SATL1: variants seen among roughly 807,000 people sequenced by gnomAD.
The protein encoded by SATL1 is spermidine/spermine N(1)-acetyltransferase-like protein 1.
In SATL1, 47 loss-of-function variants were observed where a neutral mutation model predicts 51.8. That is an observed-to-expected ratio of 0.91 (90% confidence interval 0.72 to 1.16). SATL1 has a LOEUF of 1.16. Ranked by LOEUF, SATL1 falls within the 50% of genes most tolerant of loss-of-function variation. SATL1 has a pLI of 0.00. For missense variants in SATL1, 520 were observed against 526.4 expected (o/e 0.99, Z 0.12); for synonymous variants, 176 against 182.4 (o/e 0.97, Z 0.28).
chrX:85,122,812 C>T (rs1381036840), intron 2 of SATL1, among the ~76,000 whole-genome samples: 1 of 111,375 alleles, frequency 9.0e-6, no homozygotes, highest in African/African-American at 3.3e-5. Flanking sequence ...CCACTCCCCA[C>T]ACTTTGCCCT....
chrX:85,126,537 A>T (rs993273007), intron 2 of SATL1, among the ~76,000 whole-genome samples: 20 of 111,478 alleles, frequency 1.8e-4, no homozygotes, highest in African/African-American at 6.2e-4. Flanking sequence ...TTTTACCACT[A>T]CTGCCGCTTT....
chrX:85,184,189 A>G (rs1286063801), intron 2 of SATL1, among the ~76,000 whole-genome samples: 1 of 111,450 alleles, frequency 9.0e-6, no homozygotes, highest in Admixed American at 9.6e-5. Context: ...TCATCTGCTG[A>G]TGGACACTTA....
intron 2 of SATL1, among the ~76,000 whole-genome samples, chrX:85,159,041 C>A (rs765498378): frequency 9.0e-6 from 1 of 110,955 alleles, no homozygotes; most frequent in South Asian, 3.8e-4. Flanking sequence ...GTTGTTCATA[C>A]CATCATCAAA....
At chrX:85,141,085 G>A (rs897290582) in intron 2 of SATL1, among the ~76,000 whole-genome samples, 7 of 111,400 alleles carry the variant, frequency 6.3e-5, no homozygotes, top group South Asian at 3.8e-4. Context: ...GCCATTCCAA[G>A]CATCACATCA....
intron 4 of SATL1, among the ~76,000 whole-genome samples, chrX:85,095,565 G>T (rs890998850): frequency 1.1e-5 from 1 of 94,459 alleles, no homozygotes; most frequent in Non-Finnish European, 2.1e-5. Flanking sequence ...GGTGGCTCAC[G>T]CCTGTAATCC....
intron 2 of SATL1, among the ~76,000 whole-genome samples, chrX:85,171,025 C>T (rs1208383814): frequency 1.8e-5 from 2 of 111,342 alleles, no homozygotes; most frequent in Non-Finnish European, 3.8e-5. Flanking sequence ...GATCTGATCA[C>T]TAAAAAGGTT....
At chrX:85,174,277 C>T (rs915021151) in intron 2 of SATL1, among the ~76,000 whole-genome samples, 2 of 110,098 alleles carry the variant, frequency 1.8e-5, no homozygotes, top group Non-Finnish European at 3.8e-5. Flanking sequence ...AGACCAAATA[C>T]CTAAGCATAT....
intron 2 of SATL1, among the ~76,000 whole-genome samples, chrX:85,172,686 T>G (rs1297867231): frequency 2.7e-5 from 3 of 111,455 alleles, no homozygotes; most frequent in Non-Finnish European, 3.8e-5. Flanking sequence ...AAAAAATAAT[T>G]AAAATACAAC....
rs138590568 is a variant in SATL1, at chrX:85,232,902, G to A, written c.-434-8576C>T. Among the ~76,000 whole-genome samples the A allele has an allele frequency of 3.0e-4, 33 of 111,728 alleles. No individual in the cohort carries two copies. In the East Asian group the frequency reaches 8.6e-3, roughly 29 times the overall value. On this transcript the variant is annotated intron_variant, in intron 1 of 7. Transcript: ENST00000644105. The stretch of plus-strand genomic sequence containing the variant: ...GAAGGGAAAAACACAAACCTGGCTG[G>A]CTTCACAACATCCAGATTGTAGAGC...
rs747703674 is a variant in SATL1 at position 85,107,438 on chromosome X, TGCCTGGTTGACTCAG to T, written c.1516_1530del (p.Leu506_Gly510del). ...ATTTGGCTCACACTTGGTTGGCTCCTGCCTGGTTGACTCAGGCCTGGTTGGCTCAGCACTAATTGG... is the reference window on the plus strand; with the variant it reads ...ATTTGGCTCACACTTGGTTGGCTCCTGCCTGGTTGGCTCAGCACTAATTGG... On this transcript the variant is annotated inframe_deletion, in exon 3 of 8. Coordinates refer to ENST00000644105, the MANE Select transcript of SATL1 (RefSeq NM_001367857.2). The T allele has an allele frequency of 1.6e-6, 2 of 1,212,283 alleles. No individual in the cohort carries two copies. The highest frequency in any genetic ancestry group is 2.2e-6 in the Non-Finnish European group (2 of 895,370).
intron 2 of SATL1, among the ~76,000 whole-genome samples, chrX:85,132,356 CT>C (rs1263843977): frequency 2.7e-5 from 3 of 109,679 alleles, no homozygotes; most frequent in Admixed American, 9.7e-5. Flanking sequence ...TCTTTTTACT[CT>C]TTTTTTTTCT....
chrX:85,139,113 A>T (rs1045643573), intron 2 of SATL1, among the ~76,000 whole-genome samples: 3 of 111,042 alleles, frequency 2.7e-5, no homozygotes, highest in African/African-American at 6.6e-5. Context: ...TCATAAGGAG[A>T]CTTTCACTTC....
intron 2 of SATL1, among the ~76,000 whole-genome samples, chrX:85,130,183 C>T (rs1376920204): frequency 8.9e-6 from 1 of 111,974 alleles, no homozygotes; most frequent in Non-Finnish European, 1.9e-5. Context: ...GGAGGATTCC[C>T]TCTTTTTCTA....
At chrX:85,143,360 C>G (rs1472634463) in intron 2 of SATL1, 2 of 111,226 alleles carry the variant, frequency 1.8e-5, no homozygotes, top group African/African-American at 6.5e-5. Flanking sequence ...CTGCTGATTG[C>G]CTCTCCTAAT....
chrX:85,200,116 G>A (rs1166187238), intron 2 of SATL1, among the ~76,000 whole-genome samples: 1 of 110,891 alleles, frequency 9.0e-6, no homozygotes, highest in Non-Finnish European at 1.9e-5. Flanking sequence ...AATTAAAAAT[G>A]AATAAGTATA....
intron 2 of SATL1, among the ~76,000 whole-genome samples, chrX:85,162,347 C>A (rs1420501916): frequency 1.8e-5 from 2 of 111,054 alleles, no homozygotes; most frequent in East Asian, 5.7e-4. Flanking sequence ...GAAAACCATT[C>A]AAAAGATCAA....
chrX:85,126,840 C>G (rs188640122), intron 2 of SATL1, among the ~76,000 whole-genome samples: 2,976 of 106,291 alleles, frequency 0.028, 39 homozygotes, highest in South Asian at 0.051. Flanking sequence ...CAAGTTTTAC[C>G]CCCCCCACCA....
intron 2 of SATL1, among the ~76,000 whole-genome samples, chrX:85,149,280 A>G (rs1217811796): frequency 9.0e-6 from 1 of 111,547 alleles, no homozygotes; most frequent in Non-Finnish European, 1.9e-5. Context: ...CTAAATATAT[A>G]TGCACCCAAT....
intron 2 of SATL1, chrX:85,212,673 T>C (rs999954169): frequency 9.0e-6 from 1 of 111,273 alleles, no homozygotes; most frequent in Non-Finnish European, 1.9e-5. Context: ...TTTTTTTCAT[T>C]TAAAATAGCC....
Sources: allele counts gnomAD v4.1 joint callset (sites outside exome capture counted in the v4.1 genomes callset), GRCh38; gene constraint gnomAD v4.1.1; transcripts MANE v1.5; gene names NCBI Gene and HGNC (gene_info 2026-07-23, HGNC 2026-07-21).